LARP1: variants seen among roughly 807,000 people sequenced by gnomAD.
LARP1 encodes the protein la-related protein 1.
Under a neutral mutation model 122.7 loss-of-function variants are expected in LARP1, and 36 were observed. The ratio of observed to expected loss-of-function variants is 0.29; its 90% confidence interval spans 0.22 to 0.39. The LOEUF (loss-of-function observed/expected upper bound fraction) is 0.39. Ranked by LOEUF, LARP1 falls within the 10% of genes least tolerant of loss-of-function variation. The pLI, the probability that LARP1 is intolerant of heterozygous loss-of-function variation, is 1.00. For missense variants in LARP1, 1,040 were observed against 1,403.6 expected (o/e 0.74, Z 4.14); for synonymous variants, 539 against 528.7 (o/e 1.02, Z -0.27).
At chr5:154,794,980 C>T (rs1460798971) in intron 7 of LARP1, among the ~76,000 whole-genome samples, 195 bp from the exon 8 acceptor site, 1 of 152,112 alleles carries the variant, frequency 6.6e-6, no homozygotes, top group Non-Finnish European at 1.5e-5. Context: ...AGTGATTTGA[C>T]CCAAGCAAGG....
At chr5:154,792,897 G>A in intron 4 of LARP1, 101 bp downstream of exon 4, 1 of 1,168,344 alleles carries the variant, frequency 8.6e-7, no homozygotes, top group Admixed American at 2.4e-5. Context: ...TGCCACCTCT[G>A]AAAAGTCAAT....
chr5:154,733,157 A>G (rs937335663), intron 1 of LARP1, among the ~76,000 whole-genome samples: 1 of 152,208 alleles, frequency 6.6e-6, no homozygotes, highest in Admixed American at 6.5e-5. Context: ...AAACAAATAT[A>G]CTATAGCCAC....
upstream of LARP1, among the ~76,000 whole-genome samples, chr5:154,708,009 C>T (rs145114347): frequency 2.7e-3 from 411 of 152,270 alleles, 1 homozygote; most frequent in African/African-American, 9.6e-3. Flanking sequence ...GCAGTTGATC[C>T]GCTTCTAGCA....
chr5:154,793,518 A>T (rs1480577323), intron 4 of LARP1, 77 bp from the exon 5 acceptor site: 1 of 1,587,122 alleles, frequency 6.3e-7, no homozygotes, highest in Non-Finnish European at 8.6e-7. Context: ...CCAGGGCAGA[A>T]GAAGAGGAGT....
At chr5:154,791,357 G>T (rs975168786) in intron 3 of LARP1, among the ~76,000 whole-genome samples, 4 of 151,780 alleles carry the variant, frequency 2.6e-5, no homozygotes, top group African/African-American at 9.7e-5. Flanking sequence ...GGGATTACAG[G>T]CACCCACCAT....
In LARP1 at chr5:154,817,147, T is replaced by C. The variant is rs1322770511; in HGVS notation, c.*3051T>C. On this transcript the variant is annotated 3_prime_UTR_variant, in exon 19 of 19. Coordinates refer to ENST00000518297, the MANE Select transcript of LARP1 (RefSeq NM_033551.3). ...CTAGTTACGGAGGGTGAGGGTTGTT[T>C]TTTGCCAAAAAGCCTGGGTAGAGTG... is the stretch of plus-strand genomic sequence containing the variant. 2.0e-5 allele frequency: 3 copies of C among 152,082 alleles called. No individual in the cohort carries two copies. Among genetic ancestry groups the C allele is most frequent in the Admixed American group, 6.5e-5 (1 of 15,272 alleles). The allele number at this position is 152,082 out of a possible 1,614,324, so 9.4% of individuals were successfully genotyped here. A position where few individuals can be genotyped will look rare whatever the true frequency, so the allele number is the denominator to read the frequency against.
chr5:154,757,766 A>C (rs940869543), intron 1 of LARP1, among the ~76,000 whole-genome samples: 1 of 147,004 alleles, frequency 6.8e-6, no homozygotes, highest in African/African-American at 2.5e-5. Flanking sequence ...ACAGTCCTTC[A>C]TACTGTGTTC....
intron 1 of LARP1, among the ~76,000 whole-genome samples, chr5:154,724,726 C>A (rs188598151): frequency 6.6e-6 from 1 of 150,852 alleles, no homozygotes; most frequent in Non-Finnish European, 1.5e-5. Context: ...AGTGCAGTGG[C>A]ACAATCATAG....
In LARP1 at chr5:154,802,575, G is replaced by A. The variant is rs1758435250; in HGVS notation, c.2109+176G>A. Among the ~76,000 whole-genome samples the A allele has an allele frequency of 6.6e-6, 1 of 152,092 alleles. No individual in the cohort carries two copies. The highest frequency in any genetic ancestry group is 2.4e-5 in the African/African-American group (1 of 41,414). Reference sequence around the variant, plus strand: ...TCTAGCTTGGGCATTAGGAGTGAGGGGTGATGTGTAAACACTGCAAACTCT... The same window carrying A: ...TCTAGCTTGGGCATTAGGAGTGAGGAGTGATGTGTAAACACTGCAAACTCT... On this transcript the variant is annotated intron_variant, in intron 11 of 18. Transcript: ENST00000518297. The surrounding 1 kb of genome is among the most constrained non-coding windows in gnomAD (Gnocchi z 5.1).
chr5:154,707,008 T>C (rs1754983832), intron 1 of LARP1, among the ~76,000 whole-genome samples: 1 of 152,216 alleles, frequency 6.6e-6, no homozygotes, highest in Non-Finnish European at 1.5e-5. Flanking sequence ...TTTGGTTGTT[T>C]TCAGTTCTTC....
At chr5:154,787,558 T>A (rs188980789) in intron 1 of LARP1, among the ~76,000 whole-genome samples, 2 of 152,342 alleles carry the variant, frequency 1.3e-5, no homozygotes, top group East Asian at 3.9e-4. Context: ...CATTCTGGGT[T>A]TCCTTGAAGC....
intron 1 of LARP1, among the ~76,000 whole-genome samples, chr5:154,693,996 C>T (rs537261824): frequency 1.3e-5 from 2 of 151,930 alleles, no homozygotes; most frequent in African/African-American, 2.4e-5. Flanking sequence ...GCTTCAGTTA[C>T]GAAAAGTTCA....
At chr5:154,745,794 G>A (rs1471087793) in intron 1 of LARP1, among the ~76,000 whole-genome samples, 4 of 136,130 alleles carry the variant, frequency 2.9e-5, no homozygotes, top group Non-Finnish European at 6.4e-5. Flanking sequence ...AAACCCAACT[G>A]TTTTTTTTTT....
At chr5:154,710,139 C>T (rs189681691), upstream of LARP1, among the ~76,000 whole-genome samples, 9 of 152,224 alleles carry the variant, frequency 5.9e-5, no homozygotes, top group East Asian at 1.9e-4. Context: ...GGCTGCCCGC[C>T]GCTCACCTCC....
chr5:154,712,522 G>A (rs889078597), upstream of LARP1, among the ~76,000 whole-genome samples: 1 of 152,190 alleles, frequency 6.6e-6, no homozygotes, highest in Non-Finnish European at 1.5e-5. Context: ...CTGCCCCAGG[G>A]TCACTGTGAG....
chr5:154,727,422 AT>A (rs1756288744), intron 1 of LARP1, among the ~76,000 whole-genome samples: 2 of 152,354 alleles, frequency 1.3e-5, no homozygotes, highest in South Asian at 4.1e-4. Flanking sequence ...GTTTAAAGTC[AT>A]AAATGAAAAT....
chr5:154,685,526 C>T (rs902416878), intron 1 of LARP1, among the ~76,000 whole-genome samples: 1 of 152,090 alleles, frequency 6.6e-6, no homozygotes, highest in African/African-American at 2.4e-5. Context: ...AAGGGTTTAG[C>T]GTAGAAAGTG....
intron 1 of LARP1, chr5:154,786,695 A>G (rs544955469): frequency 1.2e-5 from 3 of 250,980 alleles, no homozygotes; most frequent in South Asian, 1.1e-4. Context: ...ACACATGGAA[A>G]CCATTGGGCT....
chr5:154,697,503 A>G (rs550365400), intron 1 of LARP1, among the ~76,000 whole-genome samples: 1 of 152,344 alleles, frequency 6.6e-6, no homozygotes, highest in East Asian at 1.9e-4. Flanking sequence ...AAAATGTGTC[A>G]GCAACCCAAA....
Sources: gnomAD v4.1 joint callset for allele counts (sites outside exome capture counted in the v4.1 genomes callset) on GRCh38, gnomAD v4.1.1 for gene constraint, Gnocchi (gnomAD v3.1) non-coding constraint, MANE v1.5 for transcripts, NCBI Gene and HGNC (gene_info 2026-07-23, HGNC 2026-07-21) for gene names.